The following ITGA11 variants were observed in gnomAD, a reference collection of about 807,000 sequenced individuals.
ITGA11 encodes integrin subunit alpha 11, also known as integrin alpha-11.
ITGA11 carries 97 observed loss-of-function variants against 141.9 expected under a neutral mutation model. The observed-to-expected ratio is 0.68, with a 90% CI of 0.58 to 0.81. The LOEUF (loss-of-function observed/expected upper bound fraction) is 0.81, where lower values mean the gene tolerates loss of function less well. Ranked by LOEUF, ITGA11 falls within the 30% of genes least tolerant of loss-of-function variation. ITGA11 has a pLI of 0.00. For missense variants in ITGA11, 1,387 were observed against 1,559.2 expected (o/e 0.89, Z 1.86); for synonymous variants, 658 against 624.6 (o/e 1.05, Z -0.80).
chr15:68,336,251 A>G (rs1894353820), intron 11 of ITGA11, among the ~76,000 whole-genome samples: 1 of 152,134 alleles, frequency 6.6e-6, no homozygotes, highest in Admixed American at 6.5e-5. Flanking sequence ...GTTCCCCACC[A>G]ATCTTCACTC....
chr15:68,365,373 C>T (rs1567146032), intron 3 of ITGA11: 1 of 984,450 alleles, frequency 1.0e-6, no homozygotes, highest in Non-Finnish European at 1.2e-6. Context: ...CTGAAGGAGG[C>T]TGCCAAGAGA....
At position 68,335,156 on chromosome 15, in the gene ITGA11, C is replaced by T. The variant is rs1894306246; in HGVS notation, c.1425+541G>A. Among the ~76,000 whole-genome samples, 1 of 152,004 alleles carries T rather than the reference C, an allele frequency of 6.6e-6. No homozygotes were observed. The highest frequency in any genetic ancestry group is 1.5e-5 in the Non-Finnish European group (1 of 68,006). On this transcript the variant is annotated intron_variant, in intron 12 of 29. Transcript: ENST00000315757. The surrounding 1 kb of genome is among the most constrained non-coding windows in gnomAD (Gnocchi z 4.9). Reference sequence around the variant, plus strand: ...CAGATGCTGCTGGTTAGGAGGAGCCCAGGCCTGATTTTGGGGTTATTTGGG... The same window carrying T: ...CAGATGCTGCTGGTTAGGAGGAGCCTAGGCCTGATTTTGGGGTTATTTGGG...
intron 6 of ITGA11, among the ~76,000 whole-genome samples, chr15:68,357,727 CAATATT>C (rs1398605662): frequency 6.6e-6 from 1 of 152,036 alleles, no homozygotes; most frequent in Admixed American, 6.6e-5. Flanking sequence ...AAAATAATGA[CAATATT>C]AATAGCATCA....
Position 68,302,055 on chromosome 15 carries a change from AGTGTGTGTGTGTGTGTGTGT to A in ITGA11, c.*984_*1003del, listed in dbSNP as rs3084584. 601 of 103,884 alleles carry A rather than the reference AGTGTGTGTGTGTGTGTGTGT, an allele frequency of 5.8e-3. 5 individuals are homozygous for A. Among genetic ancestry groups the A allele is most frequent in the Admixed American group, 0.011 (111 of 9,742 alleles). The allele number at this position is 103,884 out of a possible 1,614,324, so 6.4% of individuals were successfully genotyped here. A position where few individuals can be genotyped will look rare whatever the true frequency, so the allele number is the denominator to read the frequency against. On this transcript the variant is annotated 3_prime_UTR_variant, in exon 30 of 30. Coordinates refer to ENST00000315757, the MANE Select transcript of ITGA11 (RefSeq NM_001004439.2). ...CGGGCATGAGGGAAGGATGGGAGGC[AGTGTGTGTGTGTGTGTGTGT>A]GTGTGTGTGTGTGTGTGTGTGTGTG...
In ITGA11 at chr15:68,328,890, T is replaced by G. The variant is rs1215059172; in HGVS notation, c.1902-628A>C. 6.6e-6 allele frequency among the ~76,000 whole-genome samples: 1 copy of G among 152,142 alleles called. No homozygotes were observed. Among genetic ancestry groups the G allele is most frequent in the Non-Finnish European group, 1.5e-5 (1 of 68,036 alleles). The stretch of plus-strand genomic sequence containing the variant: ...GATTCCAACGTGCAGCCAGCATCCA[T>G]CTAACCCCCACACTACCCCATCCAG... On this transcript the variant is annotated intron_variant, in intron 15 of 29. Transcript: ENST00000315757. This position sits in a 1 kb window ranked among gnomAD's most constrained non-coding sequence, Gnocchi z 4.8.
intron 2 of ITGA11, among the ~76,000 whole-genome samples, chr15:68,394,459 G>A (rs946468060): frequency 6.6e-6 from 1 of 152,048 alleles, no homozygotes; most frequent in Admixed American, 6.6e-5. Context: ...CTAAAGCAAT[G>A]TTAGAGGAAA....
chr15:68,425,825 G>A (rs1399078091), intron 1 of ITGA11, among the ~76,000 whole-genome samples: 2 of 152,252 alleles, frequency 1.3e-5, no homozygotes, highest in Non-Finnish European at 2.9e-5. Context: ...GCTGAGTGAT[G>A]CTGCTGGGGG....
In ITGA11 at chr15:68,305,726, G is replaced by A. The variant is rs1893170908; in HGVS notation, c.3381+1622C>T. Among the ~76,000 whole-genome samples, 1 of 152,196 alleles carries A rather than the reference G, an allele frequency of 6.6e-6. No individual in the cohort carries two copies. Among genetic ancestry groups the A allele is most frequent in the African/African-American group, 2.4e-5 (1 of 41,450 alleles). On this transcript the variant is annotated intron_variant, in intron 28 of 29. Transcript: ENST00000315757. The surrounding 1 kb of genome is among the most constrained non-coding windows in gnomAD (Gnocchi z 4.6). ...AGTGCCTCACAGTGTTGAGAGGTCT[G>A]TCACCATGTTCAGCACACAGCTGGG...
intron 7 of ITGA11, among the ~76,000 whole-genome samples, chr15:68,353,173 AG>A (rs1894968446): frequency 6.6e-6 from 1 of 152,222 alleles, no homozygotes; most frequent in African/African-American, 2.4e-5. Context: ...CATACAATTT[AG>A]GAGTTGAGGA....
chr15:68,407,242 G>T (rs552122459), intron 1 of ITGA11, among the ~76,000 whole-genome samples: 5 of 152,112 alleles, frequency 3.3e-5, no homozygotes, highest in Admixed American at 2.0e-4. Flanking sequence ...GGGAAGGTGG[G>T]ACTAGTCCTA....
rs182230321 is a variant in ITGA11, at chr15:68,354,163, G to A, written c.750-2761C>T. On this transcript the variant is annotated intron_variant, in intron 7 of 29. Coordinates refer to ENST00000315757, the MANE Select transcript of ITGA11 (RefSeq NM_001004439.2). ...CATAGCTTTCATCTCTTTCTAGTAT[G>A]CTGTTATTTATTTATTTATTTATTG... Among the ~76,000 whole-genome samples the A allele has an allele frequency of 2.3e-3, 354 of 151,222 alleles. 1 individual carries two copies. Among genetic ancestry groups the A allele is most frequent in the Admixed American group, 2.9e-3 (44 of 15,252 alleles).
In ITGA11 at chr15:68,324,755, C is replaced by A. The variant is rs1893917601; in HGVS notation, c.2322+376G>T. On this transcript the variant is annotated intron_variant, in intron 18 of 29. Coordinates refer to ENST00000315757, the MANE Select transcript of ITGA11 (RefSeq NM_001004439.2). The surrounding 1 kb of genome is among the most constrained non-coding windows in gnomAD (Gnocchi z 6.3). The stretch of plus-strand genomic sequence containing the variant: ...AAGCAGAACCCCAGGCTCTAAGAGT[C>A]ACTCTCTGGTCTCCATTGTCCTCAT... Among the ~76,000 whole-genome samples, 1 of 152,088 alleles carries A rather than the reference C, an allele frequency of 6.6e-6. No homozygotes were observed. Among genetic ancestry groups the A allele is most frequent in the Non-Finnish European group, 1.5e-5 (1 of 68,030 alleles).
chr15:68,404,742 C>T (rs1896599679), intron 1 of ITGA11, among the ~76,000 whole-genome samples: 1 of 152,158 alleles, frequency 6.6e-6, no homozygotes, highest in Non-Finnish European at 1.5e-5. Flanking sequence ...ATACATCTGG[C>T]CTTGATACCC....
At chr15:68,306,473 C>T (rs1056701173) in intron 28 of ITGA11, among the ~76,000 whole-genome samples, 6 of 152,210 alleles carry the variant, frequency 3.9e-5, no homozygotes, top group Non-Finnish European at 7.3e-5. Context: ...CGCTCGGAAT[C>T]GCTCCCCTCC....
At position 68,326,823 on chromosome 15, in the gene ITGA11, C is replaced by T. The variant is rs1234161587; in HGVS notation, c.2069-27G>A. 5.8e-6 allele frequency: 9 copies of T among 1,563,002 alleles called. No homozygotes were observed. The highest frequency in any genetic ancestry group is 2.4e-5 in the South Asian group (2 of 84,382). On this transcript the variant is annotated intron_variant, in intron 16 of 29. Transcript: ENST00000315757. The surrounding 1 kb of genome is among the most constrained non-coding windows in gnomAD (Gnocchi z 6.8). The stretch of plus-strand genomic sequence containing the variant: ...TGCAGGAGGGGAGAGGGCAAGACCA[C>T]AAAGGTGGAGCCACATGCCCATCCA...
intron 2 of ITGA11, among the ~76,000 whole-genome samples, chr15:68,378,945 TAGAAG>T (rs1262792285): frequency 6.6e-6 from 1 of 152,192 alleles, no homozygotes; most frequent in Non-Finnish European, 1.5e-5. Context: ...CAGAAGTTCT[TAGAAG>T]AGAAGAGGGA....
At chr15:68,423,234 G>C (rs1897060592) in intron 1 of ITGA11, among the ~76,000 whole-genome samples, 1 of 152,156 alleles carries the variant, frequency 6.6e-6, no homozygotes, top group Non-Finnish European at 1.5e-5. Context: ...GAGATGTCCA[G>C]GCAACTGGAA....
At chr15:68,422,094 AG>A (rs1363239130) in intron 1 of ITGA11, among the ~76,000 whole-genome samples, 1 of 152,152 alleles carries the variant, frequency 6.6e-6, no homozygotes, top group African/African-American at 2.4e-5. Flanking sequence ...GGGCCTGAAA[AG>A]GGGTGGAGGG....
rs1387335551 is a variant in ITGA11, at chr15:68,324,527, G to C, written c.2322+604C>G. Among the ~76,000 whole-genome samples, 1 of 152,186 alleles carries C rather than the reference G, an allele frequency of 6.6e-6. No individual in the cohort carries two copies. Among genetic ancestry groups the C allele is most frequent in the Non-Finnish European group, 1.5e-5 (1 of 68,038 alleles). Reference sequence around the variant, plus strand: ...GATCACTGCCTGACATTTTCCTTGAGTGGGATTTACATGGAGTTGCGGCTG... The same window carrying C: ...GATCACTGCCTGACATTTTCCTTGACTGGGATTTACATGGAGTTGCGGCTG... On this transcript the variant is annotated intron_variant, in intron 18 of 29. Transcript: ENST00000315757. This position sits in a 1 kb window ranked among gnomAD's most constrained non-coding sequence, Gnocchi z 6.3.
Sources: gnomAD v4.1 joint callset for allele counts (sites outside exome capture counted in the v4.1 genomes callset) on GRCh38, gnomAD v4.1.1 for gene constraint, Gnocchi (gnomAD v3.1) non-coding constraint, MANE v1.5 for transcripts, NCBI Gene and HGNC (gene_info 2026-07-23, HGNC 2026-07-21) for gene names.